Variants in FGD6 observed in about 807,000 individuals in gnomAD.
FGD6 encodes the protein FYVE, RhoGEF and PH domain-containing protein 6.
In FGD6, 90 loss-of-function variants were observed where a neutral mutation model predicts 149.4. The ratio of observed to expected loss-of-function variants is 0.60; its 90% CI spans 0.51 to 0.72. The LOEUF (loss-of-function observed/expected upper bound fraction) is 0.72. Ranked by LOEUF, FGD6 falls within the 30% of genes least tolerant of loss-of-function variation. The pLI is 0.00. For synonymous variants in FGD6, 527 were observed against 584.0 expected (o/e 0.90, Z 1.41); for missense variants, 1,437 against 1,684.8 (o/e 0.85, Z 2.57).
chr12:95,089,276 G>C (rs1023626186), intron 18 of FGD6, among the ~76,000 whole-genome samples: 1 of 152,186 alleles, frequency 6.6e-6, no homozygotes, highest in African/African-American at 2.4e-5. Context: ...CTCTGGCAAG[G>C]ATCTTGCTCA....
intron 20 of FGD6, among the ~76,000 whole-genome samples, chr12:95,083,012 A>AAAAAATATATATATATATATATAT (rs68032073): frequency 5.0e-5 from 1 of 20,020 alleles, no homozygotes; most frequent in Non-Finnish European, 8.3e-5. Context: ...AAAAAAAAAA[A>AAAAAATATATATATATATATATAT]ATATATATAT....
At chr12:95,123,792 G>A (rs886449169) in intron 8 of FGD6, among the ~76,000 whole-genome samples, 1 of 152,120 alleles carries the variant, frequency 6.6e-6, no homozygotes, top group Non-Finnish European at 1.5e-5. Flanking sequence ...TCGATCTCCT[G>A]ACCTTGTGAT....
At chr12:95,150,160 TG>T (rs1382950342) in intron 5 of FGD6, among the ~76,000 whole-genome samples, 1 of 151,706 alleles carries the variant, frequency 6.6e-6, no homozygotes, top group African/African-American at 2.4e-5. Context: ...CCAGAGTAGC[TG>T]GGATTACAGA....
At chr12:95,137,935 A>AC (rs1191656421) in intron 6 of FGD6, among the ~76,000 whole-genome samples, 1 of 152,008 alleles carries the variant, frequency 6.6e-6, no homozygotes, top group Non-Finnish European at 1.5e-5. Context: ...AAAAATGTTT[A>AC]CCATGGCTGG....
At chr12:95,129,173 C>T (rs1879437365) in intron 8 of FGD6, among the ~76,000 whole-genome samples, 3 of 152,120 alleles carry the variant, frequency 2.0e-5, no homozygotes, top group South Asian at 2.1e-4. Context: ...GCAGATCCTA[C>T]AGGGAGGAAA....
intron 2 of FGD6, among the ~76,000 whole-genome samples, chr12:95,181,606 C>G (rs1881282406): frequency 6.6e-6 from 1 of 152,214 alleles, no homozygotes; most frequent in Admixed American, 6.5e-5. Context: ...GGACAACTTT[C>G]TTGTTAATAC....
chr12:95,129,420 C>T (rs1266359155), intron 8 of FGD6, among the ~76,000 whole-genome samples: 5 of 152,172 alleles, frequency 3.3e-5, no homozygotes, highest in Non-Finnish European at 7.3e-5. Context: ...AAGAGCAACT[C>T]TCCCTTTCCC....
chr12:95,137,149 C>A (rs1167976098), intron 7 of FGD6, among the ~76,000 whole-genome samples: 1 of 152,018 alleles, frequency 6.6e-6, no homozygotes, highest in African/African-American at 2.4e-5. Context: ...TGTGGTGGCA[C>A]GTGCTTGTAA....
At chr12:95,175,879 T>C (rs1299457828) in intron 2 of FGD6, among the ~76,000 whole-genome samples, 3 of 150,300 alleles carry the variant, frequency 2.0e-5, no homozygotes, top group African/African-American at 7.3e-5. Flanking sequence ...GAAAAACTTA[T>C]GGAAGACATC....
At chr12:95,112,899 C>T (rs1414269232) in intron 9 of FGD6, among the ~76,000 whole-genome samples, 1 of 152,134 alleles carries the variant, frequency 6.6e-6, no homozygotes, top group Non-Finnish European at 1.5e-5. Flanking sequence ...AGACTCATCC[C>T]TGCTTTGTAG....
chr12:95,091,781 T>C lies in FGD6; in HGVS notation c.3776A>G (p.Lys1259Arg). The change falls in exon 17 of 21, where the codon AAG becomes AGG. Residue 1259 changes from lysine to arginine, a missense_variant. Lys to Arg is a conservative substitution (Grantham distance 26). Around this residue, in one of 2 missense-constraint regions of FGD6, gnomAD observed 382 missense variants for 538.7 expected, o/e 0.71. Coordinates refer to ENST00000343958, the MANE Select transcript of FGD6 (RefSeq NM_018351.4). ...ATTTTTCAGGTAATCTAAGCCATAC[T>C]TATTAGACGAACAAGCTTGGCATAC... Reference protein sequence around the residue: ...KIVCQACSSNKYGLDYLKNQP... With the variant: ...KIVCQACSSNRYGLDYLKNQP... 1 of 1,613,112 alleles carries C rather than the reference T, an allele frequency of 6.2e-7. No homozygotes were observed. The highest frequency in any genetic ancestry group is 8.5e-7 in the Non-Finnish European group (1 of 1,179,764).
intron 1 of FGD6, among the ~76,000 whole-genome samples, chr12:95,215,419 C>G (rs1470378407): frequency 6.6e-6 from 1 of 152,146 alleles, no homozygotes; most frequent in Non-Finnish European, 1.5e-5. Context: ...TCCCAAAAAG[C>G]ACCATAATCA....
At chr12:95,149,821 TTATA>T (rs1341890369) in intron 5 of FGD6, among the ~76,000 whole-genome samples, 1 of 146,316 alleles carries the variant, frequency 6.8e-6, no homozygotes, top group Non-Finnish European at 1.5e-5. Flanking sequence ...ATAGTAATCA[TTATA>T]TATAATATAT....
chr12:95,155,676 T>C (rs1880448118), intron 3 of FGD6, among the ~76,000 whole-genome samples: 1 of 152,192 alleles, frequency 6.6e-6, no homozygotes, highest in Non-Finnish European at 1.5e-5. Context: ...TAGTCAGTCA[T>C]TAGAGTGAAT....
In FGD6 at chr12:95,137,809, G is replaced by C. The variant is rs946618972; in HGVS notation, c.2838-131C>G. On this transcript the variant is annotated intron_variant, in intron 6 of 20. Transcript: ENST00000343958. Reference sequence around the variant, plus strand: ...CTTCTTGTAAGACATACCTCAAAATGCCTACTTTTCACCATTTCCACTGCC... The same window carrying C: ...CTTCTTGTAAGACATACCTCAAAATCCCTACTTTTCACCATTTCCACTGCC... 7 of 579,594 alleles carry C rather than the reference G, an allele frequency of 1.2e-5. No individual in the cohort carries two copies. In the Admixed American group the frequency reaches 1.2e-4, roughly 10 times the overall value. 35.9% of individuals were successfully genotyped at this position (579,594 alleles called of 1,614,324 possible). A position where few individuals can be genotyped will look rare whatever the true frequency, so the allele number is the denominator to read the frequency against.
intron 3 of FGD6, among the ~76,000 whole-genome samples, chr12:95,168,462 G>A (rs938156575): frequency 3.9e-5 from 6 of 152,152 alleles, no homozygotes; most frequent in African/African-American, 1.2e-4. Flanking sequence ...TCAGGAGTTT[G>A]AGACCAGCGT....
intron 2 of FGD6, among the ~76,000 whole-genome samples, chr12:95,174,349 T>G (rs1403360487): frequency 6.6e-6 from 1 of 152,204 alleles, no homozygotes; most frequent in Non-Finnish European, 1.5e-5. Flanking sequence ...CCACTTGTTT[T>G]TATCGTAATT....
At chr12:95,151,189 C>A (rs773531539) in intron 5 of FGD6, among the ~76,000 whole-genome samples, 3 of 152,054 alleles carry the variant, frequency 2.0e-5, no homozygotes, top group Non-Finnish European at 4.4e-5. Context: ...GAAATATTTT[C>A]TCAAAACACA....
intron 3 of FGD6, among the ~76,000 whole-genome samples, chr12:95,153,497 A>G (rs888070088): frequency 6.6e-6 from 1 of 152,172 alleles, no homozygotes; most frequent in African/African-American, 2.4e-5. Flanking sequence ...CCCCGCCTCC[A>G]CTAAAAATAC....
Sources: gnomAD v4.1 joint callset for allele counts (sites outside exome capture counted in the v4.1 genomes callset) on GRCh38, gnomAD v4.1.1 for gene constraint, gnomAD v4.1.1 regional missense constraint, MANE v1.5 for transcripts, NCBI Gene and HGNC (gene_info 2026-07-23, HGNC 2026-07-21) for gene names.